GLIS3: variants seen among roughly 807,000 people sequenced by gnomAD.
GLIS3 encodes the protein GLIS family zinc finger 3, also known as zinc finger protein GLIS3.
In GLIS3, 53 loss-of-function variants were observed where a neutral mutation model predicts 78.6. That is an observed-to-expected ratio of 0.67 (90% confidence interval 0.54 to 0.85). The LOEUF is 0.85. GLIS3 is among the 40% of genes least tolerant of loss of function. GLIS3 has a pLI of 0.00. For synonymous variants in GLIS3, 684 were observed against 509.9 expected, an observed-to-expected ratio of 1.34 and a Z score of -4.60; for missense variants, 1,703 against 1,231.1, an observed-to-expected ratio of 1.38 and a Z score of -5.74.
chr9:3,911,057 A>G (rs945335561), intron 6 of GLIS3, among the ~76,000 whole-genome samples: 3 of 152,100 alleles, frequency 2.0e-5, no homozygotes, highest in African/African-American at 7.2e-5. Context: ...TACTCATACA[A>G]CCTAAATAGT....
At chr9:4,059,029 G>A (rs746105407) in intron 4 of GLIS3, among the ~76,000 whole-genome samples, 1 of 151,962 alleles carries the variant, frequency 6.6e-6, no homozygotes. Flanking sequence ...CACACCTTCT[G>A]CTGTCAGGCT....
chr9:4,042,371 A>G (rs940263025), intron 4 of GLIS3, among the ~76,000 whole-genome samples: 4 of 152,220 alleles, frequency 2.6e-5, no homozygotes, highest in African/African-American at 9.6e-5. Context: ...AACCTAAGCT[A>G]TCTTCATTAA....
chr9:4,256,247 A>G (rs1191158604), intron 2 of GLIS3, among the ~76,000 whole-genome samples: 1 of 152,138 alleles, frequency 6.6e-6, no homozygotes, highest in Non-Finnish European at 1.5e-5. Context: ...AACACTGTGC[A>G]AAAAAAGAGT....
chr9:4,250,644 C>T (rs968234643), intron 2 of GLIS3, among the ~76,000 whole-genome samples: 1 of 152,124 alleles, frequency 6.6e-6, no homozygotes, highest in African/African-American at 2.4e-5. Context: ...TATTTCTTGT[C>T]TGCTGCTAGT....
chr9:4,394,950 C>G, the GLIS3 span, among the ~76,000 whole-genome samples: 1 of 152,182 alleles, frequency 6.6e-6, no homozygotes, highest in East Asian at 1.9e-4. Context: ...GGAAAATATA[C>G]TATTATTTAT....
At chr9:4,247,520 C>G (rs1481286374) in intron 2 of GLIS3, among the ~76,000 whole-genome samples, 13 of 152,120 alleles carry the variant, frequency 8.5e-5, no homozygotes, top group East Asian at 1.9e-4. Flanking sequence ...AACAGACTGT[C>G]TCTAAAGCCC....
At chr9:3,856,475 T>C (rs562137947) in intron 8 of GLIS3, among the ~76,000 whole-genome samples, 8 of 152,354 alleles carry the variant, frequency 5.3e-5, no homozygotes, top group African/African-American at 1.7e-4. Context: ...AAATACACTA[T>C]GTTTGGTGAA....
chr9:3,987,784 A>AAAAAAAAAAAAAC lies in GLIS3; in HGVS notation c.1711-50596_1711-50595insGTTTTTTTTTTTT, dbSNP rs1554665966. On this transcript the variant is annotated intron_variant, in intron 4 of 10. Coordinates refer to ENST00000381971, the MANE Select transcript of GLIS3 (RefSeq NM_001042413.2). ...GGCAAAAAAAAAAAAAAAAAAAAAA[A>AAAAAAAAAAAAAC]AAAACAAAACACAAACATAAACCTA... Among the ~76,000 whole-genome samples, 7 of 69,552 alleles carry AAAAAAAAAAAAAC rather than the reference A, an allele frequency of 1.0e-4. 2 individuals carry two copies. Among genetic ancestry groups the AAAAAAAAAAAAAC allele is most frequent in the East Asian group, 9.4e-4 (2 of 2,132 alleles). 45.6% of individuals were successfully genotyped at this position (69,552 alleles called of 152,430 possible).
the GLIS3 span, among the ~76,000 whole-genome samples, chr9:4,457,721 A>T: frequency 5.2e-4 from 79 of 151,992 alleles, no homozygotes; most frequent in African/African-American, 1.8e-3. Flanking sequence ...ATGGTGGCAC[A>T]TATCTGTAGT....
At chr9:4,410,749 CTT>C in the GLIS3 span, among the ~76,000 whole-genome samples, 1 of 152,222 alleles carries the variant, frequency 6.6e-6, no homozygotes, top group Non-Finnish European at 1.5e-5. Flanking sequence ...GATAGGTACT[CTT>C]TGGCAAAATT....
the GLIS3 span, among the ~76,000 whole-genome samples, chr9:4,354,732 C>T: frequency 6.6e-6 from 1 of 152,174 alleles, no homozygotes; most frequent in African/African-American, 2.4e-5. Context: ...GCTCCTTGAT[C>T]AGATGACACT....
At chr9:3,939,668 C>A (rs1449858192) in intron 4 of GLIS3, among the ~76,000 whole-genome samples, 1 of 151,472 alleles carries the variant, frequency 6.6e-6, no homozygotes, top group Non-Finnish European at 1.5e-5. Flanking sequence ...TCCTCTGTAA[C>A]AAGAAAGGGC....
intron 4 of GLIS3, among the ~76,000 whole-genome samples, chr9:3,953,765 CT>C (rs1563886323): frequency 1.1e-4 from 4 of 37,188 alleles, no homozygotes; most frequent in African/African-American, 4.7e-4. Flanking sequence ...GATTTGCTCT[CT>C]CTCTCTCTCT....
chr9:4,341,160 T>C (rs1817828847), intron 2 of GLIS3, among the ~76,000 whole-genome samples: 1 of 152,246 alleles, frequency 6.6e-6, no homozygotes, highest in African/African-American at 2.4e-5. Flanking sequence ...TTGCATTATC[T>C]GATCCACAGG....
At chr9:4,159,534 C>T (rs1317852722) in intron 2 of GLIS3, among the ~76,000 whole-genome samples, 1 of 152,058 alleles carries the variant, frequency 6.6e-6, no homozygotes, top group Admixed American at 6.5e-5. Flanking sequence ...GCCTGGCCAA[C>T]ACGGTGAAAC....
At chr9:4,208,417 C>G (rs1316967674) in intron 2 of GLIS3, among the ~76,000 whole-genome samples, 1 of 152,202 alleles carries the variant, frequency 6.6e-6, no homozygotes, top group Non-Finnish European at 1.5e-5. Context: ...GAGCAAGGAT[C>G]ATGCCTCTGA....
At chr9:4,409,260 A>G in the GLIS3 span, among the ~76,000 whole-genome samples, 4 of 152,178 alleles carry the variant, frequency 2.6e-5, no homozygotes, top group African/African-American at 9.7e-5. Context: ...GAACTCTTTT[A>G]AACTGGATTC....
chr9:4,324,513 G>C (rs1401592908), intron 2 of GLIS3, among the ~76,000 whole-genome samples: 2 of 152,152 alleles, frequency 1.3e-5, no homozygotes, highest in Admixed American at 1.3e-4. Flanking sequence ...ATACACATTA[G>C]TTACATTATG....
At chr9:3,897,717 G>A (rs1378906648) in intron 7 of GLIS3, among the ~76,000 whole-genome samples, 2 of 152,192 alleles carry the variant, frequency 1.3e-5, no homozygotes, top group African/African-American at 4.8e-5. Flanking sequence ...CTCTGCATCT[G>A]AATCAACTGA....
Sources: allele counts gnomAD v4.1 joint callset (sites outside exome capture counted in the v4.1 genomes callset), GRCh38; gene constraint gnomAD v4.1.1; transcripts MANE v1.5; gene names NCBI Gene and HGNC (gene_info 2026-07-23, HGNC 2026-07-21).